The following AMN variants were observed in gnomAD, a reference collection of about 807,000 sequenced individuals.
AMN encodes protein amnionless.
A neutral mutation model predicts 49.1 loss-of-function variants in AMN; 40 were observed. That is an observed-to-expected ratio of 0.81 (90% CI 0.63 to 1.06). The LOEUF (loss-of-function observed/expected upper bound fraction) is 1.06. Among genes scored for constraint, AMN ranks in the 50% least tolerant of loss-of-function variants. The pLI is 0.00. For synonymous variants in AMN, 380 were observed against 313.3 expected (o/e 1.21, Z -2.25); for missense variants, 701 against 662.8 (o/e 1.06, Z -0.63).
Position 102,930,574 on chromosome 14 carries a change from AGCCCCTGCCGCG to A in AMN, c.1259_1270del (p.Pro420_Arg423del), listed in dbSNP as rs1249294383. On this transcript the variant is annotated splice_acceptor_variant and coding_sequence_variant, in exon 12 of 12. Coordinates refer to ENST00000299155, the MANE Select transcript of AMN (RefSeq NM_030943.4). LOFTEE classifies it high-confidence loss of function. ...CCGCCGCCTGACCCTGTCACCCCGC[AGCCCCTGCCGCG>A]GCGGCTCAGCCTGGTTCCGAAGGCG... The A allele has an allele frequency of 1.3e-6, 2 of 1,570,758 alleles. No homozygotes were observed. Among genetic ancestry groups the A allele is most frequent in the Non-Finnish European group, 8.6e-7 (1 of 1,159,966 alleles).
At chr14:102,926,755 CCT>C (rs1891197927) in intron 3 of AMN, among the ~76,000 whole-genome samples, 1 of 151,972 alleles carries the variant, frequency 6.6e-6, no homozygotes, top group African/African-American at 2.4e-5. Context: ...TAAATAACAG[CCT>C]TATGCTGTCA....
In AMN at chr14:102,928,974, G is replaced by A. The variant is rs1322422212; in HGVS notation, c.512G>A (p.Arg171Gln). 5 of 1,598,276 alleles carry A rather than the reference G, an allele frequency of 3.1e-6. 1 individual carries two copies. In the South Asian group the frequency reaches 4.4e-5, roughly 14 times the overall value. ...VRVRSISALG[R>Q]TFTRDEDLAV... is the part of the protein sequence containing the mutation. ...GTCCGCAGCATCTCGGCTCTGGGCC[G>A]GGTGAGCACTGAGGGGAGGGAGGCT... Residue 171 changes from arginine (R) to glutamine (Q), a missense_variant and splice_region_variant, in exon 5 of 12, where the codon CGG becomes CAG. By Grantham distance (43) the Arg-to-Gln change is conservative. Transcript: ENST00000299155.
Position 102,923,721 on chromosome 14 carries a change from G to C in AMN, c.54G>C (p.Gln18His). ...TCGCCTCCTCCCCAGCACTGACCCA[G>C]GCGGTCTCCAAACTCTGGGTCCCCA... is the stretch of plus-strand genomic sequence containing the variant. ...LLWLQLCALT[Q>H]AVSKLWVPNT... Residue 18 changes from glutamine (Q) to histidine (H), a missense_variant, in exon 2 of 12, where the codon CAG becomes CAC. Coordinates refer to ENST00000299155, the MANE Select transcript of AMN (RefSeq NM_030943.4). 1 of 1,612,760 alleles carries C rather than the reference G, an allele frequency of 6.2e-7. No individual in the cohort carries two copies. Among genetic ancestry groups the C allele is most frequent in the Non-Finnish European group, 8.5e-7 (1 of 1,179,858 alleles).
At chr14:102,922,950 G>A (rs555185838) in intron 1 of AMN, 11 of 623,850 alleles carry the variant, frequency 1.8e-5, no homozygotes, top group East Asian at 6.5e-5. Flanking sequence ...GGAGAGGAGA[G>A]GAGGGGCTCC....
At chr14:102,923,587 G>A (rs1474150633) in intron 1 of AMN, 124 bp from the exon 2 acceptor site, 8 of 926,158 alleles carry the variant, frequency 8.6e-6, no homozygotes, top group South Asian at 4.0e-5. Flanking sequence ...GGCCCCCGGG[G>A]ATGGGGTTCC....
At chr14:102,922,857 T>TA in intron 1 of AMN, 126 bp downstream of exon 1, 1 of 1,351,830 alleles carries the variant, frequency 7.4e-7, no homozygotes, top group Non-Finnish European at 1.0e-6. Context: ...TTTGGAGGGT[T>TA]GGGGGCGTGA....
intron 1 of AMN, 59 bp from the exon 2 acceptor site, chr14:102,923,652 T>C (rs1217352074): frequency 3.4e-6 from 5 of 1,473,132 alleles, no homozygotes; most frequent in Non-Finnish European, 4.7e-6. Flanking sequence ...GTGGGTGGCC[T>C]TCCCTGAGAA....
intron 1 of AMN, chr14:102,923,093 C>G: frequency 6.9e-6 from 2 of 289,362 alleles, no homozygotes; most frequent in Non-Finnish European, 1.3e-5. Flanking sequence ...ACCGCCTCAG[C>G]TTCCCGGTCC....
In AMN at chr14:102,923,742, C is replaced by A. The variant is rs746997257; in HGVS notation, c.75C>A (p.Val25=). The A allele has an allele frequency of 7.4e-6, 12 of 1,612,796 alleles. No individual in the cohort carries two copies. The highest frequency in any genetic ancestry group is 1.0e-5 in the Non-Finnish European group (12 of 1,179,876). ...ALTQAVSKLW[V]PNTDFDVAAN... is the part of the protein sequence containing the mutation. ...CCCAGGCGGTCTCCAAACTCTGGGT[C>A]CCCAACACGGACTTCGACGTCGCAG... The change falls in exon 2 of 12, where the codon GTC becomes GTA. Residue 25 remains valine, a synonymous_variant. Coordinates refer to ENST00000299155, the MANE Select transcript of AMN (RefSeq NM_030943.4).
Position 102,928,875 on chromosome 14 carries a change from G to C in AMN, c.413G>C (p.Arg138Pro), listed in dbSNP as rs568801729. ...FFVDAERVPC[R>P]HDDVFFPPSA... ...GTGGACGCCGAGCGCGTGCCCTGCC[G>C]CCACGACGACGTCTTCTTTCCGCCT... The change falls in exon 5 of 12, where the codon CGC (arginine) becomes CCC (proline). Residue 138 changes from arginine to proline, a missense_variant. By Grantham distance (103) the Arg-to-Pro change is moderately radical. Transcript: ENST00000299155. 2 of 1,604,126 alleles carry C rather than the reference G, an allele frequency of 1.2e-6. No individual in the cohort carries two copies. The highest frequency in any genetic ancestry group is 3.3e-5 in the Admixed American group (2 of 60,002).
At position 102,923,808 on chromosome 14, in the gene AMN, C is replaced by A. The variant is rs755118412; in HGVS notation, c.141C>A (p.Ala47=). 6.2e-7 allele frequency: 1 copy of A among 1,612,660 alleles called. No individual in the cohort carries two copies. The highest frequency in any genetic ancestry group is 1.1e-5 in the South Asian group (1 of 91,072). The change falls in exon 2 of 12, where the codon GCC becomes GCA. Residue 47 remains alanine, a synonymous_variant. Transcript: ENST00000299155. ...ACCGGACCCCGTGCGCCGGCGGCGC[C>A]GTTGAGTTCCCGGCGGACAAGGTGC... The part of the protein sequence containing the change: ...SQNRTPCAGG[A]VEFPADKMVS...
At chr14:102,929,311 C>G in intron 6 of AMN, 53 bp downstream of exon 6, 4 of 1,453,682 alleles carry the variant, frequency 2.8e-6, no homozygotes, top group Non-Finnish European at 3.6e-6. Context: ...CGGGACTGTG[C>G]CCGGGACAGG....
rs1300546376 is a variant in AMN at position 102,930,218 on chromosome 14, T to TGGG, written c.1062_1064dup (p.Gly355dup). 1 of 1,434,738 alleles carries TGGG rather than the reference T, an allele frequency of 7.0e-7. No homozygotes were observed. The highest frequency in any genetic ancestry group is 2.6e-5 in the Admixed American group (1 of 38,012). The allele number at this position is 1,434,738 out of a possible 1,614,324, so 88.9% of individuals were successfully genotyped here. ...CATGCGGGAGTCGGGCGCACACGTC[T>TGGG]GGGGCAGCTCCGCGGCTGGGCTGGC... On this transcript the variant is annotated inframe_insertion, in exon 10 of 12. Coordinates refer to ENST00000299155, the MANE Select transcript of AMN (RefSeq NM_030943.4).
Position 102,922,741 on chromosome 14 carries a change from G to A in AMN, c.43+10G>A, listed in dbSNP as rs1039978266. The A allele has an allele frequency of 3.2e-6, 5 of 1,581,952 alleles. No individual in the cohort carries two copies. The African/African-American group carries it at 4.0e-5, about 13-fold the overall frequency. ...TGGCTGCAGCTCTGCGGTGAGCCGG[G>A]ACCACACCGGTGCGGGCCCGGACGG... On this transcript the variant is annotated intron_variant, in intron 1 of 11. Transcript: ENST00000299155.
In AMN at chr14:102,930,649, C is replaced by T. The variant is rs753431313; in HGVS notation, c.1331C>T (p.Pro444Leu). Residue 444 changes from proline to leucine, a missense_variant, in exon 12 of 12, where the codon CCT becomes CTT. By Grantham distance (98) the Pro-to-Leu change is moderately conservative. Transcript: ENST00000299155. ...DSTSHSYFVN[P>L]LFAGAEAEA ...ACCAGCCACAGTTACTTCGTCAACC[C>T]TCTGTTCGCCGGGGCCGAGGCCGAG... The T allele has an allele frequency of 5.0e-6, 8 of 1,599,000 alleles. No homozygotes were observed. The highest frequency in any genetic ancestry group is 6.8e-6 in the Non-Finnish European group (8 of 1,174,246).
chr14:102,924,741 C>A (rs1891149163), intron 3 of AMN, among the ~76,000 whole-genome samples: 1 of 152,198 alleles, frequency 6.6e-6, no homozygotes, highest in African/African-American at 2.4e-5. Flanking sequence ...TTGGGAAATG[C>A]TGCAGCCTGC....
chr14:102,930,306 T>G lies in AMN; in HGVS notation c.1148T>G (p.Leu383Arg). ...GTCCTGCTGGTGGCGCCGCCGCTGC[T>G]GCGCCGCGCGGGGAGGCTCAGGTAC... is the stretch of plus-strand genomic sequence containing the variant. ...LLVLLVAPPL[L>R]RRAGRLRWRR... Residue 383 changes from leucine (L) to arginine (R), a missense_variant, in exon 10 of 12, where the codon CTG (leucine) becomes CGG (arginine). Transcript: ENST00000299155. The G allele has an allele frequency of 7.3e-7, 1 of 1,375,744 alleles. No homozygotes were observed. The highest frequency in any genetic ancestry group is 9.3e-7 in the Non-Finnish European group (1 of 1,072,736). 85.2% of individuals were successfully genotyped at this position (1,375,744 alleles called of 1,614,324 possible).
Position 102,922,786 on chromosome 14 carries a change from AG to A in AMN, c.43+58del. On this transcript the variant is annotated intron_variant, in intron 1 of 11. Transcript: ENST00000299155. ...GGACGGTAGCGGTCTGTCAGGACCC[AG>A]GGCCGAGGTCGCTCTAGGCCTGGAG... 1.9e-6 allele frequency: 3 copies of A among 1,546,624 alleles called. No individual in the cohort carries two copies. The South Asian group carries it at 3.5e-5, about 18-fold the overall frequency.
chr14:102,922,692 G>A lies in AMN; in HGVS notation c.4G>A (p.Gly2Ser), dbSNP rs1891082323. The A allele has an allele frequency of 1.3e-6, 2 of 1,599,404 alleles. No homozygotes were observed. Among genetic ancestry groups the A allele is most frequent in the Middle Eastern group, 1.8e-4 (1 of 5,616 alleles). Residue 2 changes from glycine to serine, a missense_variant, in exon 1 of 12, where the codon GGC (glycine) becomes AGC (serine). Coordinates refer to ENST00000299155, the MANE Select transcript of AMN (RefSeq NM_030943.4). Reference sequence around the variant, plus strand: ...GGGTGCAAGGAGCCGAGGCGAGATGGGCGTCCTGGGCCGGGTCCTGCTGTG... The same window carrying A: ...GGGTGCAAGGAGCCGAGGCGAGATGAGCGTCCTGGGCCGGGTCCTGCTGTG... M[G>S]VLGRVLLWLQ...
Sources: gnomAD v4.1 joint callset for allele counts (sites outside exome capture counted in the v4.1 genomes callset) on GRCh38, gnomAD v4.1.1 for gene constraint, MANE v1.5 for transcripts, NCBI Gene and HGNC (gene_info 2026-07-23, HGNC 2026-07-21) for gene names.